The following RAI1 variants were observed in gnomAD, a reference collection of about 807,000 sequenced individuals.
RAI1 encodes retinoic acid induced 1.
RAI1 carries 9 observed loss-of-function variants against 123.8 expected under a neutral mutation model. The observed-to-expected ratio is 0.07, with a 90% CI of 0.04 to 0.13. RAI1 has a LOEUF of 0.13. RAI1 is among the 10% of genes least tolerant of loss of function. RAI1 has a pLI of 1.00. For synonymous variants in RAI1, 1,231 were observed against 1,127.3 expected (o/e 1.09, Z -1.84); for missense variants, 2,256 against 2,545.8 (o/e 0.89, Z 2.45).
At chr17:17,778,556 C>T (rs58246526) in intron 2 of RAI1, 4,384 of 361,170 alleles carry the variant, frequency 0.012, 165 homozygotes, top group African/African-American at 0.087. Flanking sequence ...CAGAGCTGAC[C>T]CCGGCACCAG....
intron 1 of RAI1, among the ~76,000 whole-genome samples, chr17:17,722,774 G>A (rs950829955): frequency 3.3e-4 from 51 of 152,322 alleles, no homozygotes; most frequent in African/African-American, 1.2e-3. Flanking sequence ...CAAGCGGCAG[G>A]ATCTCCAAGC....
chr17:17,738,401 G>GT (rs1484649318), intron 2 of RAI1, among the ~76,000 whole-genome samples: 36 of 149,930 alleles, frequency 2.4e-4, no homozygotes, highest in African/African-American at 8.6e-4. Flanking sequence ...GCGGGGCGGG[G>GT]TGGGGTGGGC....
chr17:17,691,574 A>T (rs1286725270), intron 1 of RAI1, among the ~76,000 whole-genome samples: 1 of 152,212 alleles, frequency 6.6e-6, no homozygotes, highest in Non-Finnish European at 1.5e-5. Flanking sequence ...GCCCAGGCAA[A>T]GGCTCAGAGG....
intron 1 of RAI1, among the ~76,000 whole-genome samples, chr17:17,690,514 T>A (rs1234583276): frequency 6.6e-6 from 1 of 152,156 alleles, no homozygotes; most frequent in Non-Finnish European, 1.5e-5. Flanking sequence ...GGCAGGTTCC[T>A]CAAGCTCCCT....
rs758402279 is a variant in RAI1, at chr17:17,795,432, C to T, written c.2484C>T (p.Cys828=). ...AGGAGGCAGGTGGGCTGCTGCAGTG[C>T]CCCGAGGTGGCCAAGGCTGACCGGT... ...VKEEAGGLLQ[C]PEVAKADRWL... is the part of the protein sequence containing the mutation. The change falls in exon 3 of 6, where the codon TGC becomes TGT. Residue 828 remains cysteine, a synonymous_variant. Transcript: ENST00000353383. This position sits in a 1 kb window ranked among gnomAD's most constrained non-coding sequence, Gnocchi z 5.9. 2.5e-6 allele frequency: 4 copies of T among 1,590,900 alleles called. No individual in the cohort carries two copies. Among genetic ancestry groups the T allele is most frequent in the Non-Finnish European group, 2.6e-6 (3 of 1,167,502 alleles).
chr17:17,755,640 G>A (rs2030409398), intron 2 of RAI1, among the ~76,000 whole-genome samples: 1 of 152,162 alleles, frequency 6.6e-6, no homozygotes. Context: ...TAGCCAGCAG[G>A]GGTGCGTCCC....
intron 3 of RAI1, 86 bp from the exon 4 acceptor site, chr17:17,803,670 G>A: frequency 7.9e-7 from 1 of 1,259,264 alleles, no homozygotes. Flanking sequence ...ACAGGCATGA[G>A]CCACTGCACC....
intron 1 of RAI1, among the ~76,000 whole-genome samples, chr17:17,716,254 G>A (rs1017143939): frequency 6.6e-6 from 1 of 152,224 alleles, no homozygotes; most frequent in East Asian, 1.9e-4. Context: ...GGGTGGTTAA[G>A]CCACCCAGAG....
At chr17:17,758,451 C>A (rs559912955) in intron 2 of RAI1, among the ~76,000 whole-genome samples, 13 of 152,334 alleles carry the variant, frequency 8.5e-5, no homozygotes, top group Admixed American at 7.2e-4. Context: ...GGGACGGGCT[C>A]CGGGAGCCTC....
chr17:17,728,364 G>A (rs1462208838), intron 2 of RAI1, among the ~76,000 whole-genome samples: 1 of 152,172 alleles, frequency 6.6e-6, no homozygotes, highest in African/African-American at 2.4e-5. Flanking sequence ...GGTCTCCAAG[G>A]AGATCAGGCT....
At chr17:17,808,414 A>AT (rs1266596226) in intron 4 of RAI1, among the ~76,000 whole-genome samples, 21 of 125,894 alleles carry the variant, frequency 1.7e-4, no homozygotes, top group African/African-American at 6.8e-4. Flanking sequence ...ATTTTATTTT[A>AT]TTATTTTATT....
intron 2 of RAI1, among the ~76,000 whole-genome samples, chr17:17,780,504 G>C (rs2031533822): frequency 6.6e-6 from 1 of 152,190 alleles, no homozygotes; most frequent in South Asian, 2.1e-4. Flanking sequence ...CCCCGATTGA[G>C]GTCCCACCCC....
rs538137284 is a variant in RAI1 at position 17,729,606 on chromosome 17, G to A, written c.-17+5447G>A. ...TATAATGGGGATGATAGCTTTTTCC[G>A]GAGAGGACTGACAAGAGAGTAAGGA... On this transcript the variant is annotated intron_variant, in intron 2 of 5. Coordinates refer to ENST00000353383, the MANE Select transcript of RAI1 (RefSeq NM_030665.4). Among the ~76,000 whole-genome samples the A allele has an allele frequency of 3.3e-5, 5 of 152,302 alleles. No individual in the cohort carries two copies. The South Asian group carries it at 6.2e-4, about 19-fold the overall frequency.
chr17:17,789,916 C>T (rs1184845852), intron 2 of RAI1, among the ~76,000 whole-genome samples: 1 of 152,076 alleles, frequency 6.6e-6, no homozygotes, highest in East Asian at 1.9e-4. Context: ...CCCTTGTCCC[C>T]TCTCACCACC....
chr17:17,689,046 C>A (rs1914750379), intron 1 of RAI1, among the ~76,000 whole-genome samples: 1 of 150,446 alleles, frequency 6.6e-6, no homozygotes, highest in Non-Finnish European at 1.5e-5. Flanking sequence ...ACCTCTGCCC[C>A]CTGGGTTCAA....
chr17:17,713,933 T>A (rs1219334300), intron 1 of RAI1, among the ~76,000 whole-genome samples: 2 of 152,192 alleles, frequency 1.3e-5, no homozygotes, highest in Non-Finnish European at 2.9e-5. Flanking sequence ...TCCGCGTCTC[T>A]GACCTTCTGG....
chr17:17,725,749 G>A (rs1314228294), intron 2 of RAI1, among the ~76,000 whole-genome samples: 1 of 151,998 alleles, frequency 6.6e-6, no homozygotes, highest in East Asian at 1.9e-4. Flanking sequence ...TTTCTTCCTG[G>A]GGTAGAGAGC....
intron 1 of RAI1, among the ~76,000 whole-genome samples, chr17:17,696,536 G>A (rs11656769): frequency 0.072 from 10,978 of 152,280 alleles, 501 homozygotes; most frequent in African/African-American, 0.12. Context: ...CCTGAACCAC[G>A]TTCTTGGGAG....
Position 17,796,087 on chromosome 17 carries a change from G to T in RAI1, c.3139G>T (p.Gly1047Trp). 6.3e-7 allele frequency: 1 copy of T among 1,581,492 alleles called. No homozygotes were observed. The highest frequency in any genetic ancestry group is 2.3e-5 in the East Asian group (1 of 43,272). ...GGAAGGGGCTGGAGCCCCAGGCCGG[G>T]GGGCCTCGGAAGGGCTCCCCAGGAT... ...QMEGAGAPGR[G>W]ASEGLPRMCT... is the part of the protein sequence containing the mutation. The change falls in exon 3 of 6, where the codon GGG becomes TGG. Residue 1047 changes from glycine (G) to tryptophan (W), a missense_variant. This residue lies in a region of RAI1 where 566 missense variants were observed against 616.0 expected (regional missense o/e 0.92). Transcript: ENST00000353383. The surrounding 1 kb of genome is among the most constrained non-coding windows in gnomAD (Gnocchi z 5.8).
Sources: gnomAD v4.1 joint callset for allele counts (sites outside exome capture counted in the v4.1 genomes callset) on GRCh38, gnomAD v4.1.1 for gene constraint, gnomAD v4.1.1 regional missense constraint, Gnocchi (gnomAD v3.1) non-coding constraint, MANE v1.5 for transcripts, NCBI Gene and HGNC (gene_info 2026-07-23, HGNC 2026-07-21) for gene names.